NRXN3: variants seen among roughly 807,000 people sequenced by gnomAD.
NRXN3 encodes the protein neurexin III.
NRXN3 carries 32 observed loss-of-function variants against 137.6 expected under a neutral mutation model. The observed-to-expected ratio is 0.23, with a 90% CI of 0.18 to 0.31. The LOEUF is 0.31. Among genes scored for constraint, NRXN3 ranks in the 10% least tolerant of loss-of-function variants. NRXN3 has a pLI of 1.00. For synonymous variants in NRXN3, 798 were observed against 784.5 expected (o/e 1.02, Z -0.29); for missense variants, 1,574 against 2,062.5 (o/e 0.76, Z 4.59).
chr14:78,309,850 A>G (rs1158072775), intron 4 of NRXN3, among the ~76,000 whole-genome samples: 2 of 152,158 alleles, frequency 1.3e-5, no homozygotes, highest in Admixed American at 1.3e-4. Flanking sequence ...TAAAATTTGA[A>G]GGAACTTTTG....
At chr14:78,209,688 C>T (rs544214469) in intron 1 of NRXN3, among the ~76,000 whole-genome samples, 4 of 152,220 alleles carry the variant, frequency 2.6e-5, no homozygotes, top group East Asian at 1.9e-4. Context: ...CCAGTCACCT[C>T]CCACCTGGTC....
At chr14:79,234,378 T>TTTA (rs1309612632) in intron 15 of NRXN3, among the ~76,000 whole-genome samples, 10 of 139,494 alleles carry the variant, frequency 7.2e-5, no homozygotes, top group East Asian at 2.1e-4. Flanking sequence ...TATGTAGCTC[T>TTTA]TTATTATTAT....
intron 10 of NRXN3, among the ~76,000 whole-genome samples, chr14:78,845,382 C>T (rs1447681592): frequency 1.3e-5 from 2 of 152,032 alleles, no homozygotes; most frequent in Non-Finnish European, 2.9e-5. Context: ...TAATTTAAGG[C>T]ATGTTGCAAA....
intron 8 of NRXN3, among the ~76,000 whole-genome samples, chr14:78,760,351 A>G (rs1006204907): frequency 6.6e-6 from 1 of 151,054 alleles, no homozygotes; most frequent in Non-Finnish European, 1.5e-5. Context: ...CTGAGCCTGT[A>G]GTCTTAATAC....
At chr14:79,398,196 G>A (rs560730461) in intron 15 of NRXN3, among the ~76,000 whole-genome samples, 2 of 152,200 alleles carry the variant, frequency 1.3e-5, no homozygotes, top group African/African-American at 4.8e-5. Context: ...TTGAGAAGGG[G>A]CCATGGCTCA....
At chr14:79,168,541 A>G (rs1230140739) in intron 15 of NRXN3, among the ~76,000 whole-genome samples, 7 of 151,922 alleles carry the variant, frequency 4.6e-5, no homozygotes. Context: ...TTCTTTTTCT[A>G]CCATGACAAT....
chr14:79,676,836 A>G (rs2154006360), intron 17 of NRXN3, among the ~76,000 whole-genome samples: 1 of 152,182 alleles, frequency 6.6e-6, no homozygotes, highest in African/African-American at 2.4e-5. Context: ...TTAAGTTATC[A>G]AAGTTCTAAC....
chr14:78,937,052 C>T (rs989403195), intron 10 of NRXN3, among the ~76,000 whole-genome samples: 1 of 151,846 alleles, frequency 6.6e-6, no homozygotes, highest in Admixed American at 6.6e-5. Context: ...GAAACCCCGT[C>T]TTTACTAAAA....
chr14:79,619,429 G>A (rs1303627331), intron 16 of NRXN3, among the ~76,000 whole-genome samples: 1 of 152,014 alleles, frequency 6.6e-6, no homozygotes, highest in Admixed American at 6.6e-5. Context: ...CATATGGCTA[G>A]CTAGTTATCC....
At chr14:78,495,135 G>A (rs1372317974) in intron 4 of NRXN3, among the ~76,000 whole-genome samples, 3 of 20,170 alleles carry the variant, frequency 1.5e-4, no homozygotes, top group African/African-American at 3.3e-4. Flanking sequence ...GTGTGTGTGC[G>A]TGCGTGTGTG....
chr14:79,605,859 G>C (rs2098006180), intron 16 of NRXN3, among the ~76,000 whole-genome samples: 1 of 152,138 alleles, frequency 6.6e-6, no homozygotes, highest in African/African-American at 2.4e-5. Flanking sequence ...TGCCTTGTCA[G>C]CTATAATAAA....
intron 20 of NRXN3, among the ~76,000 whole-genome samples, chr14:79,819,606 G>T (rs781135090): frequency 6.3e-5 from 9 of 142,332 alleles, no homozygotes; most frequent in Non-Finnish European, 4.5e-5. Context: ...TGCCTCAACC[G>T]CCTGAGTAGC....
At chr14:79,353,192 T>A (rs2093289599) in intron 15 of NRXN3, among the ~76,000 whole-genome samples, 2 of 148,624 alleles carry the variant, frequency 1.3e-5, no homozygotes, top group African/African-American at 2.6e-5. Context: ...TTCAATATAA[T>A]TTTTTTTTCT....
intron 16 of NRXN3, among the ~76,000 whole-genome samples, chr14:79,618,340 C>A (rs1029104260): frequency 6.6e-6 from 1 of 151,758 alleles, no homozygotes; most frequent in Non-Finnish European, 1.5e-5. Context: ...AAGCCTCAAC[C>A]CTTCCCTCCC....
intron 15 of NRXN3, among the ~76,000 whole-genome samples, chr14:79,158,621 G>A (rs746696896): frequency 5.3e-5 from 8 of 151,652 alleles, no homozygotes; most frequent in Non-Finnish European, 8.8e-5. Flanking sequence ...TGAAGATGGT[G>A]GCATAATTAA....
At chr14:78,622,024 A>C (rs1566911281) in intron 4 of NRXN3, among the ~76,000 whole-genome samples, 1 of 152,198 alleles carries the variant, frequency 6.6e-6, no homozygotes, top group Non-Finnish European at 1.5e-5. Flanking sequence ...TAGTGCTAAG[A>C]CATTGGTTCT....
rs149011608 is a variant in NRXN3 at position 78,346,125 on chromosome 14, G to T, written c.757+48265G>T. Among the ~76,000 whole-genome samples, 746 of 152,270 alleles carry T rather than the reference G, an allele frequency of 4.9e-3. 8 individuals are homozygous for T. Among genetic ancestry groups the T allele is most frequent in the African/African-American group, 0.017 (712 of 41,540 alleles). On this transcript the variant is annotated intron_variant, in intron 4 of 20. Coordinates refer to ENST00000335750, the MANE Select transcript of NRXN3 (RefSeq NM_001330195.2). ...TGCTCTATTGAGACCTGAAGCACGG[G>T]TGATGGGGAAAAGCAGGCATCTTCT...
Position 78,726,959 on chromosome 14 carries a change from T to TAAA in NRXN3, c.2044+11837_2044+11839dup, listed in dbSNP as rs55802240. On this transcript the variant is annotated intron_variant, in intron 8 of 20. Coordinates refer to ENST00000335750, the MANE Select transcript of NRXN3 (RefSeq NM_001330195.2). ...TGGGAGCTATACAGGATTTATTCAC[T>TAAA]AAAAAAAAAAAAAAAAAAACCTTCA... 1.2e-4 allele frequency among the ~76,000 whole-genome samples: 15 copies of TAAA among 121,002 alleles called. 1 individual carries two copies. Among genetic ancestry groups the TAAA allele is most frequent in the Admixed American group, 9.0e-5 (1 of 11,168 alleles). The allele number at this position is 121,002 out of a possible 152,430, so 79.4% of individuals were successfully genotyped here. A position where few individuals can be genotyped will look rare whatever the true frequency, so the allele number is the denominator to read the frequency against.
At chr14:79,560,117 G>T (rs1272700882) in intron 16 of NRXN3, among the ~76,000 whole-genome samples, 1 of 152,070 alleles carries the variant, frequency 6.6e-6, no homozygotes, top group Non-Finnish European at 1.5e-5. Flanking sequence ...TTTACTATTT[G>T]CAACTAACTG....
Sources: allele counts gnomAD v4.1 joint callset (sites outside exome capture counted in the v4.1 genomes callset), GRCh38; gene constraint gnomAD v4.1.1; transcripts MANE v1.5; gene names NCBI Gene and HGNC (gene_info 2026-07-23, HGNC 2026-07-21).